Variants in EML2 observed in about 807,000 individuals in gnomAD.
EML2 encodes the protein echinoderm microtubule-associated protein-like 2.
Under a neutral mutation model 84.7 loss-of-function variants are expected in EML2, and 59 were observed. The ratio of observed to expected loss-of-function variants is 0.70; its 90% CI spans 0.56 to 0.86. EML2 has a LOEUF of 0.86. Ranked by LOEUF, EML2 falls within the 40% of genes least tolerant of loss-of-function variation. The pLI, the probability that EML2 is intolerant of heterozygous loss-of-function variation, is 0.00. For missense variants in EML2, 818 were observed against 855.6 expected (o/e 0.96, Z 0.55); for synonymous variants, 352 against 348.9 (o/e 1.01, Z -0.10).
At chr19:45,633,459 T>TG (rs1271001418) in intron 4 of EML2, among the ~76,000 whole-genome samples, 3 of 147,974 alleles carry the variant, frequency 2.0e-5, no homozygotes, top group Non-Finnish European at 4.5e-5. Flanking sequence ...CCTATTCAGT[T>TG]TTTTTTTTTT....
rs945550567 is a variant in EML2 at position 45,635,870 on chromosome 19, G to C, written c.180-1399C>G. 3.9e-5 allele frequency among the ~76,000 whole-genome samples: 6 copies of C among 152,070 alleles called. No homozygotes were observed. In the East Asian group the frequency reaches 1.2e-3, roughly 29 times the overall value. On this transcript the variant is annotated intron_variant, in intron 3 of 18. Transcript: ENST00000245925. The stretch of plus-strand genomic sequence containing the variant: ...GCCTCCCAAAGTGCTGGGATTATAG[G>C]CATGAGCCACCGCGCCCGGGCTATG...
chr19:45,643,128 C>T (rs1314276493), upstream of EML2, among the ~76,000 whole-genome samples: 1 of 152,196 alleles, frequency 6.6e-6, no homozygotes. Flanking sequence ...GAATTGATCC[C>T]CAACATCCTC....
At chr19:45,615,103 A>G (rs7254282) in intron 16 of EML2, 105,616 of 180,300 alleles carry the variant, frequency 0.59, 33,867 homozygotes, top group African/African-American at 0.86. Context: ...TTGGGAAGCC[A>G]AGGCAGGCGG....
chr19:45,637,856 T>C (rs1327895947), intron 3 of EML2, among the ~76,000 whole-genome samples: 3 of 152,026 alleles, frequency 2.0e-5, no homozygotes, highest in Non-Finnish European at 4.4e-5. Flanking sequence ...TTTGTATTTT[T>C]AGTAGAGACA....
upstream of EML2, chr19:45,642,019 A>G: frequency 1.4e-6 from 2 of 1,443,014 alleles, no homozygotes; most frequent in Non-Finnish European, 1.8e-6. Flanking sequence ...TCCTGGTGGG[A>G]AGGCCTTTCA....
chr19:45,642,932 G>A (rs1974698434), upstream of EML2: 1 of 148,642 alleles, frequency 6.7e-6, no homozygotes, highest in Admixed American at 6.8e-5. Context: ...GTTGCCGTGA[G>A]CCAAGATCGC....
intron 12 of EML2, 76 bp from the exon 13 acceptor site, chr19:45,617,773 C>T: frequency 7.3e-7 from 1 of 1,379,020 alleles, no homozygotes; most frequent in Non-Finnish European, 1.0e-6. Flanking sequence ...TGCCTCAGGG[C>T]CAAGTCTAAT....
At chr19:45,613,043 A>G (rs1159582564) in intron 18 of EML2, among the ~76,000 whole-genome samples, 2 of 152,008 alleles carry the variant, frequency 1.3e-5, no homozygotes, top group Admixed American at 1.3e-4. Flanking sequence ...AACTACAGGC[A>G]TGCACAACCA....
intron 13 of EML2, among the ~76,000 whole-genome samples, chr19:45,617,399 T>TA (rs913462415): frequency 5.0e-5 from 7 of 138,738 alleles, no homozygotes; most frequent in African/African-American, 1.1e-4. Context: ...CTACTAAAAA[T>TA]AAAAAAAAAT....
intron 1 of EML2, 132 bp from the exon 2 acceptor site, chr19:45,639,005 T>C (rs755574453): frequency 9.5e-7 from 1 of 1,057,564 alleles, no homozygotes; most frequent in East Asian, 2.4e-5. Context: ...GGCAGAGCGC[T>C]GCCTCTCTGC....
At chr19:45,628,788 A>C (rs2122724171) in intron 7 of EML2, 1 of 152,254 alleles carries the variant, frequency 6.6e-6, no homozygotes, top group African/African-American at 2.4e-5. Flanking sequence ...ATGCCATTGC[A>C]CTCCAGCCTA....
At chr19:45,614,853 C>T in intron 16 of EML2, 153 bp from the exon 17 acceptor site, 1 of 625,220 alleles carries the variant, frequency 1.6e-6, no homozygotes, top group African/African-American at 1.8e-5. Flanking sequence ...GAAGGCATCA[C>T]ATGCTGGGGT....
At chr19:45,639,470 G>T, upstream of EML2, 1 of 1,205,790 alleles carries the variant, frequency 8.3e-7, no homozygotes, top group Non-Finnish European at 1.0e-6. Flanking sequence ...CCGCGCCCCT[G>T]CCCCGCCCTC....
chr19:45,619,529 G>C (rs996826760), intron 11 of EML2: 1 of 173,984 alleles, frequency 5.7e-6, no homozygotes, highest in African/African-American at 2.4e-5. Flanking sequence ...CAGCTCCAAG[G>C]ATCTGGGAAG....
chr19:45,624,757 GT>G lies in EML2; in HGVS notation c.802del (p.Thr268ArgfsTer126). ...ATAGAGGTTCCCCCCAGAGTCCCCC[GT>G]GACCACGTCGCCACCTTCCAAAAAG... ...VTFLEGGDVV[T>X]GDSGGNLYVW... On this transcript the variant is annotated frameshift_variant, in exon 9 of 19. Coordinates refer to ENST00000245925, the MANE Select transcript of EML2 (RefSeq NM_012155.4). LOFTEE classifies it high-confidence loss of function. 6.2e-7 allele frequency: 1 copy of G among 1,613,920 alleles called. No individual in the cohort carries two copies. Among genetic ancestry groups the G allele is most frequent in the East Asian group, 2.2e-5 (1 of 44,854 alleles).
In EML2 at chr19:45,626,847, G is replaced by A; in HGVS notation, c.607-8C>T. 2 of 1,605,380 alleles carry A rather than the reference G, an allele frequency of 1.2e-6. No individual in the cohort carries two copies. The highest frequency in any genetic ancestry group is 1.1e-5 in the South Asian group (1 of 90,464). Reference sequence around the variant, plus strand: ...TACAGCCTCATTGGAGCACTTTGGGGGGTGGGGGAGATTCTGAATGAGGAC... The same window carrying A: ...TACAGCCTCATTGGAGCACTTTGGGAGGTGGGGGAGATTCTGAATGAGGAC... On this transcript the variant is annotated splice_polypyrimidine_tract_variant and splice_region_variant and intron_variant, in intron 7 of 18. Transcript: ENST00000245925.
At chr19:45,625,388 C>T (rs1167131184) in intron 8 of EML2, among the ~76,000 whole-genome samples, 1 of 152,070 alleles carries the variant, frequency 6.6e-6, no homozygotes, top group Non-Finnish European at 1.5e-5. Flanking sequence ...TTACAGGCGC[C>T]CACCATCACG....
At chr19:45,636,681 T>C (rs553321264) in intron 3 of EML2, among the ~76,000 whole-genome samples, 1 of 152,360 alleles carries the variant, frequency 6.6e-6, no homozygotes, top group South Asian at 2.1e-4. Context: ...GCACGGTGGC[T>C]CACGCCTGTA....
In EML2 at chr19:45,616,461, C is replaced by G. The variant is rs777873246; in HGVS notation, c.1509G>C (p.Ser503=). The change falls in exon 15 of 19, where the codon TCG becomes TCC. Residue 503 remains serine, a splice_region_variant and synonymous_variant. Transcript: ENST00000245925. ...GRKVSRLGKC[S]GHSSFITHLD... ...GGGCTGGGGGCCACTGCCCACTCACCGAGCACTTGCCCAGGCGGCTGACCT... is the reference window on the plus strand; with the variant it reads ...GGGCTGGGGGCCACTGCCCACTCACGGAGCACTTGCCCAGGCGGCTGACCT... 12 of 1,584,256 alleles carry G rather than the reference C, an allele frequency of 7.6e-6. No individual in the cohort carries two copies. Among genetic ancestry groups the G allele is most frequent in the Non-Finnish European group, 4.3e-6 (5 of 1,159,274 alleles).
Sources: allele counts gnomAD v4.1 joint callset (sites outside exome capture counted in the v4.1 genomes callset), GRCh38; gene constraint gnomAD v4.1.1; transcripts MANE v1.5; gene names NCBI Gene and HGNC (gene_info 2026-07-23, HGNC 2026-07-21).